SNAP91: variants seen among roughly 807,000 people sequenced by gnomAD.
SNAP91 encodes synaptosome associated protein 91.
Under a neutral mutation model 100.3 loss-of-function variants are expected in SNAP91, and 27 were observed. That is an observed-to-expected ratio of 0.27 (90% CI 0.20 to 0.37). The LOEUF is 0.37. Ranked by LOEUF, SNAP91 falls within the 10% of genes least tolerant of loss-of-function variation. SNAP91 has a pLI of 1.00. For synonymous variants in SNAP91, 404 were observed against 398.6 expected, an observed-to-expected ratio of 1.01 and a Z score of -0.16; for missense variants, 986 against 1,123.7, an observed-to-expected ratio of 0.88 and a Z score of 1.75.
Position 83,661,584 on chromosome 6 carries a change from T to C in SNAP91, c.370A>G (p.Ile124Val), listed in dbSNP as rs1254423767. Reference sequence around the variant, plus strand: ...TTCAAATATCTACTATAGCGCCTTATGAAGGTAGACATATCATAACCTGGG... The same window carrying C: ...TTCAAATATCTACTATAGCGCCTTACGAAGGTAGACATATCATAACCTGGG... ...GSHGYDMSTF[I>V]RRYSRYLNEK... Residue 124 changes from isoleucine (I) to valine (V), a missense_variant, in exon 5 of 30, where the codon ATA becomes GTA. By Grantham distance (29) the Ile-to-Val change is conservative. Transcript: ENST00000369694. The C allele has an allele frequency of 4.4e-6, 7 of 1,601,216 alleles. No homozygotes were observed. Among genetic ancestry groups the C allele is most frequent in the East Asian group, 2.2e-5 (1 of 44,708 alleles).
rs756271709 is a variant in SNAP91, at chr6:83,707,922, C to A, written c.6G>T (p.Ser2=). The change falls in exon 2 of 30, where the codon TCG becomes TCT. Residue 2 remains serine (S), a synonymous_variant. Transcript: ENST00000369694. Reference sequence around the variant, plus strand: ...CGATCCGATCCGTGAGCGTTTGGCCCGACATCTTCTGTGGTCGCGTCTACC... The same window carrying A: ...CGATCCGATCCGTGAGCGTTTGGCCAGACATCTTCTGTGGTCGCGTCTACC... The part of the protein sequence containing the change: M[S]GQTLTDRIAA... 2.5e-6 allele frequency: 4 copies of A among 1,582,622 alleles called. No homozygotes were observed. The highest frequency in any genetic ancestry group is 1.7e-4 in the Middle Eastern group (1 of 6,000).
intron 23 of SNAP91, among the ~76,000 whole-genome samples, chr6:83,581,340 G>A (rs1828123691): frequency 1.3e-5 from 2 of 152,146 alleles, no homozygotes; most frequent in Non-Finnish European, 2.9e-5. Flanking sequence ...AAGGGCATAA[G>A]TAAATTAAAT....
At chr6:83,575,262 A>G in intron 25 of SNAP91, 141 bp from the exon 26 acceptor site, 1 of 637,830 alleles carries the variant, frequency 1.6e-6, no homozygotes, top group Non-Finnish European at 2.7e-6. Context: ...AACAGCAGTT[A>G]AAACTTACAG....
chr6:83,592,430 GT>G, intron 21 of SNAP91, 24 bp downstream of exon 21: 1 of 1,508,260 alleles, frequency 6.6e-7, no homozygotes, highest in African/African-American at 1.4e-5. Flanking sequence ...GATTCCTTAA[GT>G]GTTGATGGAG....
At chr6:83,643,041 T>G (rs2097774349) in intron 7 of SNAP91, among the ~76,000 whole-genome samples, 1 of 144,256 alleles carries the variant, frequency 6.9e-6, no homozygotes, top group Non-Finnish European at 1.5e-5. Flanking sequence ...GGTGTTTTTG[T>G]TTTTTTCTTG....
intron 7 of SNAP91, among the ~76,000 whole-genome samples, chr6:83,642,882 C>T (rs1010727211): frequency 2.0e-5 from 3 of 152,208 alleles, no homozygotes; most frequent in African/African-American, 4.8e-5. Flanking sequence ...GATCGCCATT[C>T]TAACTGGTGT....
At chr6:83,651,425 C>A (rs1258378359) in intron 7 of SNAP91, among the ~76,000 whole-genome samples, 1 of 152,112 alleles carries the variant, frequency 6.6e-6, no homozygotes, top group Non-Finnish European at 1.5e-5. Context: ...GCATCCTATA[C>A]ATTTTGATAA....
At chr6:83,628,444 A>G (rs540449152) in intron 8 of SNAP91, among the ~76,000 whole-genome samples, 1 of 151,532 alleles carries the variant, frequency 6.6e-6, no homozygotes, top group Non-Finnish European at 1.5e-5. Context: ...ATTGTTTTCC[A>G]TAGTGGCTGT....
Position 83,580,626 on chromosome 6 carries a change from A to G in SNAP91, c.2150-27T>C, listed in dbSNP as rs6901218. On this transcript the variant is annotated intron_variant, in intron 23 of 29. Transcript: ENST00000369694. ...TGGAAATCAAATAGACTAGGTTCAG[A>G]ATAATTGAAAACAAAAAAAGATCAT... 12,919 of 1,556,616 alleles carry G rather than the reference A, an allele frequency of 8.3e-3. 876 individuals carry two copies. The African/African-American group carries it at 0.15, about 18-fold the overall frequency.
chr6:83,556,397 A>AGAGAGAGAGAGAGAGAGAGAGAGAG (rs1562072085), intron 28 of SNAP91, among the ~76,000 whole-genome samples, 152 bp from the exon 29 acceptor site: 1 of 38,184 alleles, frequency 2.6e-5, no homozygotes, highest in African/African-American at 1.1e-4. Flanking sequence ...GAGAGAGAGA[A>AGAGAGAGAGAGAGAGAGAGAGAGAG]AAGCATTAGG....
intron 2 of SNAP91, among the ~76,000 whole-genome samples, chr6:83,684,520 T>C (rs1373815586): frequency 2.0e-5 from 3 of 152,160 alleles, no homozygotes; most frequent in Non-Finnish European, 4.4e-5. Context: ...TTTGCAAGCT[T>C]CCTTGGACCT....
intron 2 of SNAP91, among the ~76,000 whole-genome samples, chr6:83,700,946 A>G (rs2099290603): frequency 6.6e-6 from 1 of 152,154 alleles, no homozygotes; most frequent in African/African-American, 2.4e-5. Flanking sequence ...GGGATGAGGG[A>G]TAACTCTCAA....
At chr6:83,677,560 A>G (rs896759412) in intron 2 of SNAP91, among the ~76,000 whole-genome samples, 2 of 152,160 alleles carry the variant, frequency 1.3e-5, no homozygotes, top group East Asian at 1.9e-4. Flanking sequence ...TCCTTAGGGT[A>G]GTAGAAAATT....
At chr6:83,681,643 C>T (rs1562646244) in intron 2 of SNAP91, among the ~76,000 whole-genome samples, 1 of 151,990 alleles carries the variant, frequency 6.6e-6, no homozygotes, top group Non-Finnish European at 1.5e-5. Context: ...ACTGGAGGTA[C>T]AGAATACTAT....
intron 9 of SNAP91, among the ~76,000 whole-genome samples, chr6:83,620,855 G>A (rs748992056): frequency 3.3e-5 from 5 of 151,894 alleles, no homozygotes; most frequent in Non-Finnish European, 7.4e-5. Flanking sequence ...GGGACTACAG[G>A]CACCCACCAC....
chr6:83,690,018 C>G (rs1473089360), intron 2 of SNAP91, among the ~76,000 whole-genome samples: 1 of 151,696 alleles, frequency 6.6e-6, no homozygotes, highest in Non-Finnish European at 1.5e-5. Context: ...TTTTACTAAT[C>G]TTGATTTTTT....
chr6:83,694,935 T>C (rs1246917174), intron 2 of SNAP91, among the ~76,000 whole-genome samples: 1 of 152,046 alleles, frequency 6.6e-6, no homozygotes, highest in Non-Finnish European at 1.5e-5. Context: ...TATTTTGACA[T>C]ATATTCTTCC....
chr6:83,612,485 C>G (rs1454960227), intron 11 of SNAP91, among the ~76,000 whole-genome samples: 1 of 152,116 alleles, frequency 6.6e-6, no homozygotes, highest in Non-Finnish European at 1.5e-5. Context: ...TGGTCACTTT[C>G]TAAGAATGAA....
intron 7 of SNAP91, among the ~76,000 whole-genome samples, chr6:83,645,395 A>G (rs528427518): frequency 3.3e-5 from 5 of 152,246 alleles, no homozygotes; most frequent in African/African-American, 9.6e-5. Context: ...AGAGTGCCAT[A>G]TTAGTTCCAA....
Sources: allele counts gnomAD v4.1 joint callset (sites outside exome capture counted in the v4.1 genomes callset), GRCh38; gene constraint gnomAD v4.1.1; transcripts MANE v1.5; gene names NCBI Gene and HGNC (gene_info 2026-07-23, HGNC 2026-07-21).